The following SHISA9 variants were observed in gnomAD, a reference collection of about 807,000 sequenced individuals.
SHISA9 encodes the protein shisa family member 9, also known as protein shisa-9.
Under a neutral mutation model 38.0 loss-of-function variants are expected in SHISA9, and 13 were observed. The observed-to-expected ratio is 0.34, with a 90% CI of 0.22 to 0.54. The LOEUF is 0.54. Among genes scored for constraint, SHISA9 ranks in the 20% least tolerant of loss-of-function variants. The pLI is 0.91. For synonymous variants in SHISA9, 275 were observed against 242.0 expected (o/e 1.14, Z -1.27); for missense variants, 538 against 575.8 (o/e 0.93, Z 0.67).
chr16:13,247,326 A>T, the SHISA9 span, among the ~76,000 whole-genome samples: 1 of 152,190 alleles, frequency 6.6e-6, no homozygotes. Flanking sequence ...CATATCAATC[A>T]TCTTAATTAA....
intron 2 of SHISA9, among the ~76,000 whole-genome samples, chr16:12,988,552 T>C (rs946475522): frequency 6.6e-6 from 1 of 152,180 alleles, no homozygotes; most frequent in Non-Finnish European, 1.5e-5. Context: ...TGAGACAGCC[T>C]CTCGCTCTGT....
chr16:13,359,951 A>G, the SHISA9 span, among the ~76,000 whole-genome samples: 1 of 152,160 alleles, frequency 6.6e-6, no homozygotes, highest in East Asian at 1.9e-4. Context: ...CAGGGTGGAT[A>G]GAGTTTCATC....
At chr16:13,420,981 T>G in the SHISA9 span, among the ~76,000 whole-genome samples, 111,593 of 151,904 alleles carry the variant, frequency 0.73, 41,213 homozygotes, top group Admixed American at 0.82. Context: ...CAACTTGGAC[T>G]CTTCACACAT....
chr16:12,981,311 G>T (rs751223279), intron 2 of SHISA9, among the ~76,000 whole-genome samples: 4 of 152,198 alleles, frequency 2.6e-5, no homozygotes, highest in Non-Finnish European at 5.9e-5. Context: ...GCAGCATTTG[G>T]AGCAGAGTTC....
At chr16:13,310,752 C>A in the SHISA9 span, among the ~76,000 whole-genome samples, 3 of 144,576 alleles carry the variant, frequency 2.1e-5, no homozygotes, top group African/African-American at 7.8e-5. Flanking sequence ...GGTGCAATCT[C>A]GGCCCACTGC....
chr16:13,314,165 G>A, the SHISA9 span, among the ~76,000 whole-genome samples: 1 of 151,626 alleles, frequency 6.6e-6, no homozygotes, highest in South Asian at 2.1e-4. Context: ...AATTCATTAT[G>A]CACTGGGAGC....
chr16:13,076,656 C>G (rs1438364633), intron 2 of SHISA9, among the ~76,000 whole-genome samples: 1 of 152,186 alleles, frequency 6.6e-6, no homozygotes, highest in Non-Finnish European at 1.5e-5. Context: ...CCCATTTTCT[C>G]TCCTCCAGTA....
intron 2 of SHISA9, among the ~76,000 whole-genome samples, chr16:13,056,691 T>C (rs944548033): frequency 2.0e-5 from 3 of 152,198 alleles, no homozygotes; most frequent in African/African-American, 7.2e-5. Flanking sequence ...TCCTTTCCCA[T>C]AAAACTTGCC....
the SHISA9 span, among the ~76,000 whole-genome samples, chr16:13,400,675 T>C: frequency 6.6e-6 from 1 of 152,168 alleles, no homozygotes; most frequent in Non-Finnish European, 1.5e-5. Flanking sequence ...AAGTGGATGA[T>C]TCATTCCAAT....
chr16:13,476,562 A>AG, the SHISA9 span, among the ~76,000 whole-genome samples: 3 of 152,042 alleles, frequency 2.0e-5, no homozygotes, highest in African/African-American at 7.2e-5. Flanking sequence ...ATTCAAAGTC[A>AG]GTCATGGTAA....
the SHISA9 span, among the ~76,000 whole-genome samples, chr16:13,427,341 G>T: frequency 6.6e-6 from 1 of 152,230 alleles, no homozygotes; most frequent in Admixed American, 6.5e-5. Context: ...TAGATGAATG[G>T]TTGAGGCAAG....
the SHISA9 span, among the ~76,000 whole-genome samples, chr16:13,374,760 G>T: frequency 2.6e-5 from 4 of 152,146 alleles, no homozygotes; most frequent in East Asian, 7.7e-4. Flanking sequence ...CACAATGGTT[G>T]AACTAGTTTA....
the SHISA9 span, among the ~76,000 whole-genome samples, chr16:13,393,607 C>T: frequency 3.0e-4 from 45 of 152,298 alleles, no homozygotes; most frequent in African/African-American, 6.5e-4. Context: ...CAACAGGACT[C>T]TTATGCTCAT....
chr16:13,378,464 G>A, the SHISA9 span, among the ~76,000 whole-genome samples: 11 of 152,062 alleles, frequency 7.2e-5, no homozygotes, highest in African/African-American at 1.7e-4. Context: ...CCCTGCCTGC[G>A]TCTTGTGTCC....
the SHISA9 span, among the ~76,000 whole-genome samples, chr16:13,356,623 C>T: frequency 1.3e-5 from 2 of 151,946 alleles, no homozygotes; most frequent in African/African-American, 2.4e-5. Context: ...GAGGAGCAGC[C>T]TGGGGAGGAA....
Position 12,902,261 on chromosome 16 carries a change from C to G in SHISA9, c.197C>G (p.Thr66Ser). The G allele has an allele frequency of 6.5e-7, 1 of 1,547,300 alleles. No homozygotes were observed. Among genetic ancestry groups the G allele is most frequent in the Non-Finnish European group, 8.7e-7 (1 of 1,146,788 alleles). Residue 66 changes from threonine to serine, a missense_variant, in exon 1 of 5, where the codon ACC (threonine) becomes AGC (serine). This residue lies in a region of SHISA9 where 107 missense variants were observed against 103.0 expected (regional missense o/e 1.04). Coordinates refer to ENST00000558583, the MANE Select transcript of SHISA9 (RefSeq NM_001145204.3). ...EGAEASDAPPTRAPTPDFCRG... is the reference protein window; with the variant it reads ...EGAEASDAPPSRAPTPDFCRG... ...GCTGAGGCATCGGACGCGCCCCCGACCCGGGCGCCCACGCCGGACTTCTGC... is the reference window on the plus strand; with the variant it reads ...GCTGAGGCATCGGACGCGCCCCCGAGCCGGGCGCCCACGCCGGACTTCTGC...
the SHISA9 span, among the ~76,000 whole-genome samples, chr16:13,557,470 G>A: frequency 6.6e-6 from 1 of 152,212 alleles, no homozygotes; most frequent in East Asian, 1.9e-4. Flanking sequence ...ATGATGATTA[G>A]AAGACACCCG....
chr16:13,143,940 C>G (rs776620532), intron 2 of SHISA9, among the ~76,000 whole-genome samples: 2 of 152,266 alleles, frequency 1.3e-5, no homozygotes, highest in African/African-American at 4.8e-5. Flanking sequence ...CCCCAGAAAT[C>G]TGATTGCTGC....
the SHISA9 span, among the ~76,000 whole-genome samples, chr16:13,293,882 T>C: frequency 1.3e-5 from 2 of 152,226 alleles, no homozygotes; most frequent in African/African-American, 4.8e-5. Context: ...GAATAAGCCA[T>C]AGGAACTTAG....
Sources: gnomAD v4.1 joint callset for allele counts (sites outside exome capture counted in the v4.1 genomes callset) on GRCh38, gnomAD v4.1.1 for gene constraint, gnomAD v4.1.1 regional missense constraint, MANE v1.5 for transcripts, NCBI Gene and HGNC (gene_info 2026-07-23, HGNC 2026-07-21) for gene names.